ZSWIM6: variants seen among roughly 807,000 people sequenced by gnomAD.
The protein encoded by ZSWIM6 is zinc finger SWIM domain-containing protein 6.
A neutral mutation model predicts 113.2 loss-of-function variants in ZSWIM6; 9 were observed. That is an observed-to-expected ratio of 0.08 (90% CI 0.05 to 0.14). The LOEUF is 0.14. ZSWIM6 is among the 10% of genes least tolerant of loss of function. ZSWIM6 has a pLI of 1.00. For synonymous variants in ZSWIM6, 611 were observed against 606.5 expected (o/e 1.01, Z -0.11); for missense variants, 1,162 against 1,552.2 (o/e 0.75, Z 4.22).
chr5:61,516,364 A>G (rs1041658278), intron 4 of ZSWIM6, among the ~76,000 whole-genome samples: 1 of 148,918 alleles, frequency 6.7e-6, no homozygotes, highest in African/African-American at 2.4e-5. Context: ...ATTGTAGTAA[A>G]CAGACCTAAG....
At chr5:61,380,881 G>T (rs551682075) in intron 1 of ZSWIM6, among the ~76,000 whole-genome samples, 1 of 151,304 alleles carries the variant, frequency 6.6e-6, no homozygotes, top group Non-Finnish European at 1.5e-5. Flanking sequence ...CAAGTGGATC[G>T]CTTGAACCCA....
chr5:61,460,003 G>A (rs897876550), intron 1 of ZSWIM6, among the ~76,000 whole-genome samples: 18 of 152,284 alleles, frequency 1.2e-4, no homozygotes, highest in African/African-American at 4.3e-4. Context: ...GCCAGATGAA[G>A]TTTTGACTGT....
At chr5:61,404,640 GGAGAGAAGTAGAA>G (rs1425924522) in intron 1 of ZSWIM6, among the ~76,000 whole-genome samples, 1 of 152,156 alleles carries the variant, frequency 6.6e-6, no homozygotes, top group Non-Finnish European at 1.5e-5. Context: ...TTGTTTGCTG[GGAGAGAAGTAGAA>G]GAGAGAAGCT....
chr5:61,524,807 A>G (rs533890699), intron 5 of ZSWIM6, among the ~76,000 whole-genome samples: 7 of 152,382 alleles, frequency 4.6e-5, no homozygotes, highest in African/African-American at 1.7e-4. Context: ...AACTAGGTTA[A>G]GTACACATAA....
At chr5:61,390,987 G>C in intron 1 of ZSWIM6, 1 of 755,674 alleles carries the variant, frequency 1.3e-6, no homozygotes, top group East Asian at 2.5e-5. Context: ...TGATCAGTTT[G>C]CTGTCCCTGA....
intron 1 of ZSWIM6, among the ~76,000 whole-genome samples, chr5:61,380,018 C>A (rs1162035757): frequency 6.6e-6 from 1 of 152,102 alleles, no homozygotes; most frequent in South Asian, 2.1e-4. Flanking sequence ...TTCTTTATGA[C>A]TTTGAATAGC....
intron 1 of ZSWIM6, among the ~76,000 whole-genome samples, chr5:61,352,250 T>G (rs945926190): frequency 7.9e-5 from 12 of 152,232 alleles, no homozygotes; most frequent in African/African-American, 2.9e-4. Flanking sequence ...CTCCTTTGAA[T>G]CCTAATCATA....
At chr5:61,433,846 A>T (rs1746638074) in intron 1 of ZSWIM6, among the ~76,000 whole-genome samples, 1 of 151,786 alleles carries the variant, frequency 6.6e-6, no homozygotes, top group Admixed American at 6.6e-5. Flanking sequence ...TTCAATATTG[A>T]TAGAAATATA....
intron 1 of ZSWIM6, among the ~76,000 whole-genome samples, chr5:61,372,870 ATTTC>A (rs1258027284): frequency 1.3e-5 from 2 of 151,948 alleles, no homozygotes; most frequent in East Asian, 3.9e-4. Flanking sequence ...CCTCTTCAAT[ATTTC>A]TTTTTTTCAT....
chr5:61,536,366 A>C (rs886591254), intron 10 of ZSWIM6, among the ~76,000 whole-genome samples: 1 of 152,256 alleles, frequency 6.6e-6, no homozygotes, highest in Non-Finnish European at 1.5e-5. Flanking sequence ...CTTACAAATA[A>C]CCTTTAAATT....
intron 4 of ZSWIM6, among the ~76,000 whole-genome samples, chr5:61,516,409 T>A (rs1273407619): frequency 6.8e-6 from 1 of 147,948 alleles, no homozygotes; most frequent in Non-Finnish European, 1.5e-5. Flanking sequence ...TATTTTGCCA[T>A]GTTAAATGGC....
At chr5:61,377,661 G>A (rs1227641879) in intron 1 of ZSWIM6, among the ~76,000 whole-genome samples, 1 of 151,484 alleles carries the variant, frequency 6.6e-6, no homozygotes, top group Non-Finnish European at 1.5e-5. Context: ...AGGTTGCAGT[G>A]AGCCAAGATC....
chr5:61,382,628 A>ACCC (rs1307398627), intron 1 of ZSWIM6, among the ~76,000 whole-genome samples: 2 of 151,824 alleles, frequency 1.3e-5, no homozygotes, highest in East Asian at 3.9e-4. Context: ...ACATGGTGAA[A>ACCC]CCCCCCTCTA....
intron 2 of ZSWIM6, among the ~76,000 whole-genome samples, chr5:61,490,019 AT>A (rs547184836): frequency 5.1e-4 from 77 of 151,546 alleles, no homozygotes; most frequent in Admixed American, 1.7e-3. Flanking sequence ...TTTAGATCTA[AT>A]TTTTTTTTGT....
intron 1 of ZSWIM6, among the ~76,000 whole-genome samples, chr5:61,461,735 GTT>G (rs967340320): frequency 2.0e-5 from 3 of 151,344 alleles, no homozygotes; most frequent in Non-Finnish European, 4.4e-5. Flanking sequence ...AGTGAAAGCA[GTT>G]TTTTTTTCTT....
chr5:61,356,889 A>G (rs1274503856), intron 1 of ZSWIM6, among the ~76,000 whole-genome samples: 1 of 149,202 alleles, frequency 6.7e-6, no homozygotes, highest in African/African-American at 2.5e-5. Context: ...CAGAAGAAGT[A>G]TGGGTTTTCT....
intron 5 of ZSWIM6, 81 bp downstream of exon 5, chr5:61,521,523 A>G (rs1010206635): frequency 8.6e-7 from 1 of 1,163,488 alleles, no homozygotes; most frequent in Non-Finnish European, 1.1e-6. Flanking sequence ...TACAATGTAT[A>G]TGGGAAAATG....
At chr5:61,442,613 T>C (rs912907791) in intron 1 of ZSWIM6, among the ~76,000 whole-genome samples, 1 of 152,154 alleles carries the variant, frequency 6.6e-6, no homozygotes, top group African/African-American at 2.4e-5. Context: ...ACAAGAATCA[T>C]TGTCTACACA....
At chr5:61,356,068 A>T in intron 1 of ZSWIM6, among the ~76,000 whole-genome samples, 1 of 152,100 alleles carries the variant, frequency 6.6e-6, no homozygotes, top group Non-Finnish European at 1.5e-5. Flanking sequence ...GTGATTCTTA[A>T]ACCTTAGTTT....
Sources: allele counts gnomAD v4.1 joint callset (sites outside exome capture counted in the v4.1 genomes callset), GRCh38; gene constraint gnomAD v4.1.1; transcripts MANE v1.5; gene names NCBI Gene and HGNC (gene_info 2026-07-23, HGNC 2026-07-21).